Variants in MAGI2 observed in about 807,000 individuals in gnomAD.
MAGI2 encodes the protein membrane associated guanylate kinase, WW and PDZ domain containing 2.
Under a neutral mutation model 133.3 loss-of-function variants are expected in MAGI2, and 35 were observed. That is an observed-to-expected ratio of 0.26 (90% CI 0.20 to 0.35). The LOEUF is 0.35. MAGI2 is among the 10% of genes least tolerant of loss of function. The probability of loss-of-function intolerance (pLI) is 1.00; values close to 1 mark genes in which losing one functional copy is unlikely to be tolerated. For synonymous variants in MAGI2, 729 were observed against 710.6 expected, an observed-to-expected ratio of 1.03 and a Z score of -0.41; for missense variants, 1,636 against 1,863.4, an observed-to-expected ratio of 0.88 and a Z score of 2.25.
intron 2 of MAGI2, among the ~76,000 whole-genome samples, chr7:78,707,155 A>G (rs931349139): frequency 6.6e-6 from 1 of 152,156 alleles, no homozygotes; most frequent in Non-Finnish European, 1.5e-5. Context: ...AAATGTTTTG[A>G]GGACTGTTAG....
intron 2 of MAGI2, among the ~76,000 whole-genome samples, chr7:78,642,078 G>C (rs936780689): frequency 3.9e-5 from 6 of 152,144 alleles, no homozygotes; most frequent in African/African-American, 1.4e-4. Context: ...GAAGAAACAT[G>C]GAGTCTGTAA....
chr7:79,378,957 T>TATATA (rs1843583858), intron 1 of MAGI2, among the ~76,000 whole-genome samples: 1 of 85,480 alleles, frequency 1.2e-5, no homozygotes, highest in Admixed American at 1.1e-4. Context: ...TATATATATA[T>TATATA]ATATATATAT....
At chr7:78,153,440 T>C (rs1033344412) in intron 16 of MAGI2, among the ~76,000 whole-genome samples, 6 of 152,216 alleles carry the variant, frequency 3.9e-5, no homozygotes, top group Admixed American at 2.0e-4. Flanking sequence ...TCATTCGTTT[T>C]ATCTCAGCTT....
chr7:79,328,415 G>A (rs1000206845), intron 1 of MAGI2, among the ~76,000 whole-genome samples: 12 of 152,092 alleles, frequency 7.9e-5, no homozygotes, highest in African/African-American at 2.2e-4. Context: ...GACACAGAAG[G>A]AAGACAAATA....
Position 78,978,578 on chromosome 7 carries a change from A to G in MAGI2, c.418+28512T>C, listed in dbSNP as rs567901446. 2.6e-5 allele frequency among the ~76,000 whole-genome samples: 4 copies of G among 151,990 alleles called. No homozygotes were observed. In the East Asian group the frequency reaches 7.8e-4, roughly 30 times the overall value. On this transcript the variant is annotated intron_variant, in intron 2 of 21. Coordinates refer to ENST00000354212, the MANE Select transcript of MAGI2 (RefSeq NM_012301.4). ...TATGACATTGTAATGGTGGTACATG[A>G]TATGACGCATTTGTCAAAACCCAAA...
intron 3 of MAGI2, among the ~76,000 whole-genome samples, chr7:78,526,413 T>G (rs2150603028): frequency 6.6e-6 from 1 of 152,334 alleles, no homozygotes; most frequent in East Asian, 1.9e-4. Flanking sequence ...TCACGGAATA[T>G]GTTTGTACTT....
chr7:78,054,111 C>A (rs1812306810), intron 21 of MAGI2, among the ~76,000 whole-genome samples: 1 of 152,076 alleles, frequency 6.6e-6, no homozygotes, highest in Non-Finnish European at 1.5e-5. Context: ...CTTTACACAG[C>A]AATACACATA....
intron 10 of MAGI2, among the ~76,000 whole-genome samples, chr7:78,245,707 C>T (rs1169547061): frequency 1.3e-5 from 2 of 152,030 alleles, no homozygotes; most frequent in African/African-American, 4.8e-5. Context: ...CCCAGCATCC[C>T]CCCATCAACA....
At chr7:79,355,468 A>C (rs1402115525) in intron 1 of MAGI2, among the ~76,000 whole-genome samples, 1 of 152,210 alleles carries the variant, frequency 6.6e-6, no homozygotes, top group Non-Finnish European at 1.5e-5. Context: ...TATGGTTTCC[A>C]TCACTTTCTA....
At chr7:79,330,609 T>C (rs1404253124) in intron 1 of MAGI2, among the ~76,000 whole-genome samples, 1 of 152,082 alleles carries the variant, frequency 6.6e-6, no homozygotes, top group Non-Finnish European at 1.5e-5. Flanking sequence ...TCAGTAGTAG[T>C]TACATGTATG....
chr7:78,163,160 CAG>C (rs1436673276), intron 15 of MAGI2, among the ~76,000 whole-genome samples: 2 of 152,064 alleles, frequency 1.3e-5, no homozygotes, highest in Admixed American at 1.3e-4. Context: ...TGTTTTGAGA[CAG>C]AGTCTCACTC....
intron 20 of MAGI2, among the ~76,000 whole-genome samples, chr7:78,083,215 T>C (rs994339817): frequency 6.6e-6 from 1 of 152,080 alleles, no homozygotes; most frequent in Admixed American, 6.5e-5. Context: ...ATGTAGTCTC[T>C]TTCTATACTC....
chr7:78,126,788 G>A (rs984218041), intron 19 of MAGI2, among the ~76,000 whole-genome samples: 4 of 152,286 alleles, frequency 2.6e-5, no homozygotes, highest in Middle Eastern at 3.4e-3. Context: ...AGGGGGCCAC[G>A]TAAAAAAATA....
intron 2 of MAGI2, among the ~76,000 whole-genome samples, chr7:78,714,085 A>C (rs1819472635): frequency 2.7e-5 from 2 of 74,904 alleles, no homozygotes; most frequent in Non-Finnish European, 7.5e-5. Flanking sequence ...GAGGTGAAAG[A>C]AAGAGGGGGG....
chr7:78,115,573 A>T (rs547672820), intron 20 of MAGI2, among the ~76,000 whole-genome samples: 24 of 152,322 alleles, frequency 1.6e-4, no homozygotes, highest in Middle Eastern at 3.4e-3. Flanking sequence ...TTAAAGCAAA[A>T]AGCATTGACA....
chr7:78,639,007 A>G (rs1250727296), intron 2 of MAGI2, among the ~76,000 whole-genome samples: 1 of 152,192 alleles, frequency 6.6e-6, no homozygotes, highest in Non-Finnish European at 1.5e-5. Flanking sequence ...TGTAAAATTA[A>G]TCTGGGCCAG....
chr7:79,314,989 T>C (rs1289727378), intron 1 of MAGI2, among the ~76,000 whole-genome samples: 1 of 152,140 alleles, frequency 6.6e-6, no homozygotes, highest in African/African-American at 2.4e-5. Flanking sequence ...CCTGGACTGC[T>C]CTCTTATGTG....
chr7:79,228,353 G>GAAAAAAAAAAAAAAAAAAAAA (rs1831044112), intron 1 of MAGI2, among the ~76,000 whole-genome samples: 1 of 5,812 alleles, frequency 1.7e-4, no homozygotes, highest in Non-Finnish European at 6.6e-4. Flanking sequence ...AAAAAAACAG[G>GAAAAAAAAAAAAAAAAAAAAA]CAAAAAAAAA....
At chr7:79,368,090 C>T (rs964258562) in intron 1 of MAGI2, among the ~76,000 whole-genome samples, 30 of 151,916 alleles carry the variant, frequency 2.0e-4, no homozygotes, top group Middle Eastern at 3.4e-3. Context: ...GGATGAGACA[C>T]GGCCCTTATA....
Sources: gnomAD v4.1 joint callset for allele counts (sites outside exome capture counted in the v4.1 genomes callset) on GRCh38, gnomAD v4.1.1 for gene constraint, MANE v1.5 for transcripts, NCBI Gene and HGNC (gene_info 2026-07-23, HGNC 2026-07-21) for gene names.